The following CHRM3 variants were observed in gnomAD, a reference collection of about 807,000 sequenced individuals.
The protein encoded by CHRM3 is muscarinic acetylcholine receptor M3.
CHRM3 carries 11 observed loss-of-function variants against 41.8 expected under a neutral mutation model. The ratio of observed to expected loss-of-function variants is 0.26; its 90% CI spans 0.17 to 0.44. CHRM3 has a LOEUF of 0.44. CHRM3 is among the 20% of genes least tolerant of loss of function. The probability of loss-of-function intolerance (pLI) is 1.00; values close to 1 mark genes in which losing one functional copy is unlikely to be tolerated. For missense variants in CHRM3, 571 were observed against 745.4 expected, an observed-to-expected ratio of 0.77 and a Z score of 2.72; for synonymous variants, 297 against 301.4, an observed-to-expected ratio of 0.99 and a Z score of 0.15.
intron 3 of CHRM3, among the ~76,000 whole-genome samples, chr1:239,562,279 G>A (rs1315889036): frequency 2.0e-5 from 3 of 152,088 alleles, no homozygotes; most frequent in African/African-American, 7.2e-5. Flanking sequence ...TTCAGTATTC[G>A]CACATTTCAA....
intron 4 of CHRM3, among the ~76,000 whole-genome samples, chr1:239,646,658 A>C (rs1671764569): frequency 6.6e-6 from 1 of 152,090 alleles, no homozygotes; most frequent in African/African-American, 2.4e-5. Context: ...CATGGGTAGG[A>C]ATTTGAATGC....
intron 5 of CHRM3, among the ~76,000 whole-genome samples, chr1:239,825,604 C>T (rs1023208818): frequency 4.6e-5 from 7 of 152,110 alleles, no homozygotes; most frequent in African/African-American, 1.7e-4. Flanking sequence ...ATTCACAATA[C>T]CCAAAAGACG....
At chr1:239,715,105 T>A (rs1662204183) in intron 5 of CHRM3, among the ~76,000 whole-genome samples, 1 of 151,990 alleles carries the variant, frequency 6.6e-6, no homozygotes, top group African/African-American at 2.4e-5. Flanking sequence ...ATACCACAGA[T>A]TAAGTGAGTA....
chr1:239,437,102 T>C (rs1383119068), intron 1 of CHRM3, among the ~76,000 whole-genome samples: 3 of 152,084 alleles, frequency 2.0e-5, no homozygotes. Flanking sequence ...CCCACTAAAC[T>C]AGTTCTTTTG....
At chr1:239,627,894 C>G (rs1669184856) in intron 3 of CHRM3, among the ~76,000 whole-genome samples, 3 of 150,674 alleles carry the variant, frequency 2.0e-5, no homozygotes, top group Admixed American at 2.0e-4. Flanking sequence ...ATGGGCTTTC[C>G]TTTGAGGGTA....
chr1:239,840,873 C>T (rs1285838047), intron 6 of CHRM3, among the ~76,000 whole-genome samples: 2 of 152,154 alleles, frequency 1.3e-5, no homozygotes, highest in Non-Finnish European at 2.9e-5. Context: ...ACTGTTTGTT[C>T]CATTTCTTTG....
At chr1:239,502,110 A>T (rs956835891) in intron 2 of CHRM3, among the ~76,000 whole-genome samples, 1 of 152,170 alleles carries the variant, frequency 6.6e-6, no homozygotes, top group Non-Finnish European at 1.5e-5. Flanking sequence ...AAACAAGCAA[A>T]CAAGAAAAAT....
At chr1:239,807,639 T>A (rs1670757452) in intron 5 of CHRM3, among the ~76,000 whole-genome samples, 1 of 152,218 alleles carries the variant, frequency 6.6e-6, no homozygotes, top group Non-Finnish European at 1.5e-5. Flanking sequence ...CATTCAGATA[T>A]TTAAGTGAAA....
chr1:239,612,389 T>C (rs1298285729), intron 3 of CHRM3, among the ~76,000 whole-genome samples: 2 of 152,220 alleles, frequency 1.3e-5, no homozygotes, highest in Non-Finnish European at 2.9e-5. Context: ...AACTAAGGAT[T>C]TCAGGACATT....
chr1:239,779,016 A>G (rs1668312956), intron 5 of CHRM3, among the ~76,000 whole-genome samples: 1 of 152,210 alleles, frequency 6.6e-6, no homozygotes, highest in South Asian at 2.1e-4. Flanking sequence ...GGATAAGTGG[A>G]CAGTTTTCCC....
At chr1:239,403,867 T>G (rs1215126147) in intron 1 of CHRM3, among the ~76,000 whole-genome samples, 1 of 150,032 alleles carries the variant, frequency 6.7e-6, no homozygotes, top group Non-Finnish European at 1.5e-5. Flanking sequence ...CAATCTGCAT[T>G]CTAAACACTG....
chr1:239,480,476 C>T (rs1666758927), intron 1 of CHRM3, among the ~76,000 whole-genome samples: 1 of 151,688 alleles, frequency 6.6e-6, no homozygotes, highest in Non-Finnish European at 1.5e-5. Context: ...TGGAGCACCT[C>T]CTGTGTGGCA....
intron 3 of CHRM3, among the ~76,000 whole-genome samples, chr1:239,573,876 T>A (rs140965363): frequency 2.1e-3 from 323 of 152,246 alleles, no homozygotes; most frequent in African/African-American, 7.5e-3. Context: ...CATCTGGACC[T>A]TGTCTTCCAC....
At chr1:239,818,208 C>G (rs1173290743) in intron 5 of CHRM3, among the ~76,000 whole-genome samples, 1 of 152,034 alleles carries the variant, frequency 6.6e-6, no homozygotes, top group Non-Finnish European at 1.5e-5. Flanking sequence ...TCTCTGTACC[C>G]ACAAAAAGAG....
At chr1:239,434,284 G>A (rs137876764) in intron 1 of CHRM3, among the ~76,000 whole-genome samples, 16 of 152,256 alleles carry the variant, frequency 1.1e-4, no homozygotes, top group African/African-American at 3.6e-4. Context: ...GCAACGTGTT[G>A]TGATCTCAGA....
chr1:239,530,155 G>A (rs923653982), intron 2 of CHRM3, among the ~76,000 whole-genome samples: 1 of 151,982 alleles, frequency 6.6e-6, no homozygotes, highest in African/African-American at 2.4e-5. Flanking sequence ...TGCCCGCCTC[G>A]GCCTCCCAAA....
At chr1:239,416,520 A>T (rs1661516065) in intron 1 of CHRM3, among the ~76,000 whole-genome samples, 1 of 152,238 alleles carries the variant, frequency 6.6e-6, no homozygotes, top group African/African-American at 2.4e-5. Flanking sequence ...GGTCTGGATT[A>T]ATGACAGGTA....
At position 239,909,522 on chromosome 1, in the gene CHRM3, T is replaced by C; in HGVS notation, c.*298T>C. 3.4e-6 allele frequency: 1 copy of C among 293,090 alleles called. No individual in the cohort carries two copies. The highest frequency in any genetic ancestry group is 6.7e-6 in the Non-Finnish European group (1 of 148,970). 18.2% of individuals were successfully genotyped at this position (293,090 alleles called of 1,614,324 possible). A position where few individuals can be genotyped will look rare whatever the true frequency, so the allele number is the denominator to read the frequency against. On this transcript the variant is annotated 3_prime_UTR_variant, in exon 7 of 7. Coordinates refer to ENST00000676153, the MANE Select transcript of CHRM3 (RefSeq NM_001375978.1). ...GAAAAATATTGCTTGACGGCAATTA[T>C]ATACCCAAAGTGATTTGCCTGGGTC...
chr1:239,633,250 C>T (rs1000413611), intron 4 of CHRM3, among the ~76,000 whole-genome samples: 2 of 152,284 alleles, frequency 1.3e-5, no homozygotes, highest in East Asian at 1.9e-4. Flanking sequence ...GGATTACAGG[C>T]GTGAGCCACC....
Sources: allele counts gnomAD v4.1 joint callset (sites outside exome capture counted in the v4.1 genomes callset), GRCh38; gene constraint gnomAD v4.1.1; transcripts MANE v1.5; gene names NCBI Gene and HGNC (gene_info 2026-07-23, HGNC 2026-07-21).